MCPH1: variants seen among roughly 807,000 people sequenced by gnomAD.
MCPH1 encodes microcephalin.
Under a neutral mutation model 84.5 loss-of-function variants are expected in MCPH1, and 104 were observed. The ratio of observed to expected loss-of-function variants is 1.23; its 90% CI spans 1.05 to 1.45. The LOEUF (loss-of-function observed/expected upper bound fraction) is 1.45, where lower values mean the gene tolerates loss of function less well. MCPH1 is among the 40% of genes most tolerant of loss of function. The pLI is 0.00. For synonymous variants in MCPH1, 514 were observed against 366.8 expected (o/e 1.40, Z -4.58); for missense variants, 1,498 against 1,005.7 (o/e 1.49, Z -6.62).
At chr8:6,515,566 C>T (rs982232922) in intron 12 of MCPH1, among the ~76,000 whole-genome samples, 3 of 152,096 alleles carry the variant, frequency 2.0e-5, no homozygotes, top group Admixed American at 6.6e-5. Flanking sequence ...TTAAGCTAAG[C>T]GCATGCATGC....
rs994765331 is a variant in MCPH1, at chr8:6,499,715, CTT to C, written c.2137-135_2137-134del. The C allele has an allele frequency of 5.2e-5, 38 of 733,622 alleles. No homozygotes were observed. In the African/African-American group the frequency reaches 6.4e-4, roughly 12 times the overall value. 45.4% of individuals were successfully genotyped at this position (733,622 alleles called of 1,614,324 possible). On this transcript the variant is annotated intron_variant, in intron 11 of 13. Transcript: ENST00000344683. ...ATGCAACATGAAGATTCTGAAGGGACTTTGTTGTCTGAGAACACATCTATTTC... is the reference window on the plus strand; with the variant it reads ...ATGCAACATGAAGATTCTGAAGGGACTGTTGTCTGAGAACACATCTATTTC...
Position 6,516,311 on chromosome 8 carries a change from C to A in MCPH1, c.2214+16382C>A, listed in dbSNP as rs115319426. On this transcript the variant is annotated intron_variant, in intron 12 of 13. Transcript: ENST00000344683. ...GTGTATATTATCTATAATCTCACAG[C>A]AACTCTGCTGTAGTATCATAATTCT... 3.5e-3 allele frequency among the ~76,000 whole-genome samples: 529 copies of A among 152,318 alleles called. 2 individuals are homozygous for A. The highest frequency in any genetic ancestry group is 0.012 in the African/African-American group (484 of 41,558).
At chr8:6,637,959 G>C (rs1369392029) in intron 13 of MCPH1, among the ~76,000 whole-genome samples, 1 of 152,152 alleles carries the variant, frequency 6.6e-6, no homozygotes, top group South Asian at 2.1e-4. Flanking sequence ...AGACTCGAAG[G>C]TGGCACCTAG....
At chr8:6,614,029 C>A (rs1256150389) in intron 12 of MCPH1, among the ~76,000 whole-genome samples, 2 of 152,176 alleles carry the variant, frequency 1.3e-5, no homozygotes, top group Admixed American at 1.3e-4. Flanking sequence ...GTTTGTACTT[C>A]TCCCTGGTGC....
chr8:6,617,794 A>C (rs1044794197), intron 12 of MCPH1, among the ~76,000 whole-genome samples: 2 of 152,280 alleles, frequency 1.3e-5, no homozygotes, highest in African/African-American at 4.8e-5. Flanking sequence ...CTCCCACCTC[A>C]GCCTCCCAAG....
chr8:6,576,682 ATTTTTTTTTTTTTTTTTTTT>A (rs58486084), intron 12 of MCPH1, among the ~76,000 whole-genome samples: 18 of 42,348 alleles, frequency 4.3e-4, no homozygotes, highest in Admixed American at 2.3e-3. Flanking sequence ...TAATTTTTGT[ATTTTTTTTTTTTTTTTTTTT>A]TTTTTTTTTT....
chr8:6,419,124 CACAT>C (rs1204926744), intron 3 of MCPH1, among the ~76,000 whole-genome samples: 252 of 72,864 alleles, frequency 3.5e-3, no homozygotes, highest in African/African-American at 0.01. Context: ...TATTTATATA[CACAT>C]ACACACACAC....
chr8:6,626,047 C>T (rs984803389), intron 13 of MCPH1: 21 of 985,262 alleles, frequency 2.1e-5, no homozygotes, highest in Admixed American at 6.2e-5. Context: ...ACAGTCCACC[C>T]GCCAGCCTTT....
At chr8:6,621,421 A>G (rs1250566381) in intron 12 of MCPH1, 33 bp from the exon 13 acceptor site, 1 of 1,612,648 alleles carries the variant, frequency 6.2e-7, no homozygotes, top group Non-Finnish European at 8.5e-7. Context: ...GAGTGGTCCC[A>G]CCTCTGTAAT....
intron 8 of MCPH1, among the ~76,000 whole-genome samples, chr8:6,450,218 G>T (rs1359961446): frequency 6.6e-6 from 1 of 152,138 alleles, no homozygotes; most frequent in Admixed American, 6.5e-5. Context: ...CTATCTACCA[G>T]ATCTTGTTGA....
At chr8:6,533,099 T>C (rs1042971439) in intron 12 of MCPH1, among the ~76,000 whole-genome samples, 4 of 152,250 alleles carry the variant, frequency 2.6e-5, no homozygotes, top group Non-Finnish European at 4.4e-5. Context: ...TTTCCTAACA[T>C]GTATGCATTT....
At chr8:6,628,212 C>T (rs566330473) in intron 13 of MCPH1, among the ~76,000 whole-genome samples, 45 of 152,016 alleles carry the variant, frequency 3.0e-4, no homozygotes, top group South Asian at 2.1e-3. Context: ...GGCTCACTCC[C>T]GTCATCCCAG....
intron 12 of MCPH1, among the ~76,000 whole-genome samples, chr8:6,590,881 T>A (rs1430859213): frequency 6.6e-6 from 1 of 152,030 alleles, no homozygotes; most frequent in Non-Finnish European, 1.5e-5. Context: ...TCTTCTTTTG[T>A]TGTTTGTTTG....
At chr8:6,541,184 G>A (rs962282388) in intron 12 of MCPH1, among the ~76,000 whole-genome samples, 1 of 152,230 alleles carries the variant, frequency 6.6e-6, no homozygotes, top group Non-Finnish European at 1.5e-5. Context: ...AGCAGCACAA[G>A]AGGGTGAATT....
intron 12 of MCPH1, among the ~76,000 whole-genome samples, chr8:6,596,762 T>C (rs1279585401): frequency 6.6e-6 from 1 of 152,142 alleles, no homozygotes; most frequent in African/African-American, 2.4e-5. Context: ...CCCAGCCAGA[T>C]CAACGCGAGA....
At chr8:6,489,011 G>A (rs1810266772) in intron 11 of MCPH1, among the ~76,000 whole-genome samples, 1 of 152,034 alleles carries the variant, frequency 6.6e-6, no homozygotes, top group Non-Finnish European at 1.5e-5. Context: ...ATTTTTTCCT[G>A]GGGCGACTAA....
intron 13 of MCPH1, among the ~76,000 whole-genome samples, chr8:6,624,152 G>A (rs1831810842): frequency 6.6e-6 from 1 of 152,204 alleles, no homozygotes; most frequent in Admixed American, 6.5e-5. Context: ...TTTTCAGGAG[G>A]CGAATGTCTA....
chr8:6,426,824 G>A (rs1801128898), intron 3 of MCPH1, among the ~76,000 whole-genome samples: 1 of 151,674 alleles, frequency 6.6e-6, no homozygotes, highest in South Asian at 2.1e-4. Flanking sequence ...GGTATTTCAT[G>A]GTTTTTTTTT....
At chr8:6,409,232 AT>A in intron 1 of MCPH1, 46 bp from the exon 2 acceptor site, 1 of 1,455,346 alleles carries the variant, frequency 6.9e-7, no homozygotes, top group Non-Finnish European at 9.7e-7. Context: ...TGGGCAGGGG[AT>A]GCTGGAATTT....
Sources: allele counts gnomAD v4.1 joint callset (sites outside exome capture counted in the v4.1 genomes callset), GRCh38; gene constraint gnomAD v4.1.1; transcripts MANE v1.5; gene names NCBI Gene and HGNC (gene_info 2026-07-23, HGNC 2026-07-21).